Variants in TLN2 observed in about 807,000 individuals in gnomAD.
TLN2 encodes talin 2.
In TLN2, 118 loss-of-function variants were observed where a neutral mutation model predicts 294.7. That is an observed-to-expected ratio of 0.40 (90% confidence interval 0.34 to 0.47). The LOEUF (loss-of-function observed/expected upper bound fraction) is 0.47, where lower values mean the gene tolerates loss of function less well. Among genes scored for constraint, TLN2 ranks in the 20% least tolerant of loss-of-function variants. The pLI is 0.84. For synonymous variants in TLN2, 1,431 were observed against 1,304.5 expected (o/e 1.10, Z -2.09); for missense variants, 3,083 against 3,282.2 (o/e 0.94, Z 1.48).
chr15:62,655,867 A>T (rs1283182428), intron 7 of TLN2, 77 bp from the exon 8 acceptor site: 2 of 1,532,418 alleles, frequency 1.3e-6, no homozygotes, highest in Non-Finnish European at 1.8e-6. Context: ...TCTGCATCAC[A>T]CTGCTCTTTT....
intron 3 of TLN2, among the ~76,000 whole-genome samples, chr15:62,624,529 T>G (rs892137729): frequency 2.3e-4 from 35 of 152,218 alleles, no homozygotes; most frequent in African/African-American, 8.2e-4. Context: ...TTGTTGACAT[T>G]GAAAGGCATA....
chr15:62,709,297 A>G (rs1447547052), intron 21 of TLN2, among the ~76,000 whole-genome samples: 2 of 152,222 alleles, frequency 1.3e-5, no homozygotes, highest in Non-Finnish European at 2.9e-5. Context: ...GCAGGGCAGA[A>G]TAAACAATTT....
chr15:62,394,113 C>G (rs1281507911), intron 1 of TLN2, among the ~76,000 whole-genome samples: 5 of 152,126 alleles, frequency 3.3e-5, no homozygotes, highest in African/African-American at 1.2e-4. Flanking sequence ...ATGGCTTGAC[C>G]AAAATTCTTG....
intron 1 of TLN2, among the ~76,000 whole-genome samples, chr15:62,448,960 G>T (rs988437036): frequency 2.0e-5 from 3 of 152,162 alleles, no homozygotes; most frequent in Admixed American, 2.0e-4. Context: ...AGGGCAACTG[G>T]CTTCTTATTC....
chr15:62,711,186 G>A (rs2059410527), intron 21 of TLN2, among the ~76,000 whole-genome samples: 1 of 152,188 alleles, frequency 6.6e-6, no homozygotes, highest in African/African-American at 2.4e-5. Flanking sequence ...CTTGCTAGAG[G>A]AAGATTTGAA....
chr15:62,475,743 C>T (rs2037751385), intron 1 of TLN2, among the ~76,000 whole-genome samples: 1 of 152,166 alleles, frequency 6.6e-6, no homozygotes, highest in Non-Finnish European at 1.5e-5. Flanking sequence ...CCAGGAGTTT[C>T]AGTTTGGCTG....
At chr15:62,557,274 C>T (rs1276434087) in intron 1 of TLN2, among the ~76,000 whole-genome samples, 3 of 152,138 alleles carry the variant, frequency 2.0e-5, no homozygotes, top group Admixed American at 6.5e-5. Flanking sequence ...TAAGTGGGCC[C>T]TAAGAGCCAG....
In TLN2 at chr15:62,825,852, TTA is replaced by T. The variant is rs374380687; in HGVS notation, c.7002+5256_7002+5257del. On this transcript the variant is annotated intron_variant, in intron 54 of 58. Coordinates refer to ENST00000636159, the MANE Select transcript of TLN2 (RefSeq NM_015059.3). The stretch of plus-strand genomic sequence containing the variant: ...ATAATATATAATATATATAAATATA[TTA>T]TATATATATATATTTATATATATAT... 3.0e-3 allele frequency among the ~76,000 whole-genome samples: 265 copies of T among 89,502 alleles called. 15 individuals carry two copies. Among genetic ancestry groups the T allele is most frequent in the African/African-American group, 0.011 (182 of 16,764 alleles). 58.7% of individuals were successfully genotyped at this position (89,502 alleles called of 152,430 possible). A position where few individuals can be genotyped will look rare whatever the true frequency, so the allele number is the denominator to read the frequency against.
chr15:62,665,270 G>A (rs915239520), intron 9 of TLN2, among the ~76,000 whole-genome samples: 8 of 151,962 alleles, frequency 5.3e-5, no homozygotes, highest in East Asian at 1.9e-4. Context: ...AGCTGGTCTC[G>A]AACTCCTGGG....
Position 62,634,516 on chromosome 15 carries a change from G to A in TLN2, c.-36-12759G>A, listed in dbSNP as rs145927876. ...TCAACTGTGCTGTAGAGAATTCATCGTTTCATGTCATCTCTCATGGGGACA... is the reference window on the plus strand; with the variant it reads ...TCAACTGTGCTGTAGAGAATTCATCATTTCATGTCATCTCTCATGGGGACA... On this transcript the variant is annotated intron_variant, in intron 3 of 58. Coordinates refer to ENST00000636159, the MANE Select transcript of TLN2 (RefSeq NM_015059.3). 8.1e-3 allele frequency among the ~76,000 whole-genome samples: 1,236 copies of A among 152,292 alleles called. 10 individuals carry two copies. Among genetic ancestry groups the A allele is most frequent in the Non-Finnish European group, 0.012 (793 of 68,020 alleles).
intron 43 of TLN2, among the ~76,000 whole-genome samples, chr15:62,780,031 G>A (rs931673280): frequency 5.3e-5 from 8 of 152,204 alleles, no homozygotes; most frequent in Non-Finnish European, 8.8e-5. Flanking sequence ...AGAGCTGCCA[G>A]GGAAATCTCA....
At chr15:62,635,348 A>C (rs1016425795) in intron 3 of TLN2, among the ~76,000 whole-genome samples, 2 of 152,222 alleles carry the variant, frequency 1.3e-5, no homozygotes, top group African/African-American at 2.4e-5. Context: ...ACTTGTAAAT[A>C]GCTGATATAC....
At chr15:62,413,435 G>A (rs985973275) in intron 1 of TLN2, among the ~76,000 whole-genome samples, 2 of 152,150 alleles carry the variant, frequency 1.3e-5, no homozygotes, top group African/African-American at 4.8e-5. Context: ...CATCTGAAGT[G>A]TACAAGGCAT....
chr15:62,460,363 C>T (rs1031996690), intron 1 of TLN2, among the ~76,000 whole-genome samples: 7 of 151,548 alleles, frequency 4.6e-5, no homozygotes, highest in Non-Finnish European at 1.0e-4. Context: ...CCTCCAGGTT[C>T]AAGCAATTCT....
intron 20 of TLN2, among the ~76,000 whole-genome samples, chr15:62,708,028 G>A (rs137892877): frequency 1.1e-3 from 167 of 152,066 alleles, no homozygotes; most frequent in African/African-American, 3.5e-3. Flanking sequence ...CATTGTCCAC[G>A]CTGCTAGAAT....
At chr15:62,689,507 C>T (rs1012687490) in intron 12 of TLN2, among the ~76,000 whole-genome samples, 10 of 152,198 alleles carry the variant, frequency 6.6e-5, no homozygotes, top group African/African-American at 2.4e-4. Context: ...TCCCAGCCTT[C>T]TTCTGTTATC....
intron 25 of TLN2, among the ~76,000 whole-genome samples, chr15:62,720,381 A>G (rs1301381421): frequency 6.6e-6 from 1 of 152,214 alleles, no homozygotes; most frequent in East Asian, 1.9e-4. Flanking sequence ...GAAAATATTA[A>G]GTTGTGGAAA....
Position 62,755,504 on chromosome 15 carries a change from AC to A in TLN2, c.4477-23del, listed in dbSNP as rs779321851. The A allele has an allele frequency of 4.3e-6, 7 of 1,611,128 alleles. No individual in the cohort carries two copies. The Admixed American group carries it at 1.2e-4, about 27-fold the overall frequency. ...ACCCCTCTGCACTGTAGCATGGGGT[AC>A]CCCCAACCTAGCTCCATGCTTTGTA... On this transcript the variant is annotated intron_variant, in intron 36 of 58. Transcript: ENST00000636159.
intron 43 of TLN2, among the ~76,000 whole-genome samples, chr15:62,779,739 T>C (rs1325504145): frequency 6.6e-6 from 1 of 152,250 alleles, no homozygotes; most frequent in Non-Finnish European, 1.5e-5. Context: ...CAGTCTCCTT[T>C]GACTAGCAGG....
Sources: gnomAD v4.1 joint callset for allele counts (sites outside exome capture counted in the v4.1 genomes callset) on GRCh38, gnomAD v4.1.1 for gene constraint, MANE v1.5 for transcripts, NCBI Gene and HGNC (gene_info 2026-07-23, HGNC 2026-07-21) for gene names.